The following ZNF469 variants were observed in gnomAD, a reference collection of about 807,000 sequenced individuals.
The protein encoded by ZNF469 is zinc finger protein 469.
A neutral mutation model predicts 1.0 loss-of-function variants in ZNF469; 1 was observed. That is an observed-to-expected ratio of 1.00 (90% confidence interval 0.35 to 4.73). ZNF469 has a LOEUF of 4.73. ZNF469 is among the 30% of genes most tolerant of loss of function. The probability of loss-of-function intolerance (pLI) is 0.16; values close to 1 mark genes in which losing one functional copy is unlikely to be tolerated. For synonymous variants in ZNF469, 2,703 were observed against 2,363.4 expected (o/e 1.14, Z -4.17); for missense variants, 6,100 against 5,356.3 (o/e 1.14, Z -4.33).
chr16:88,216,231 C>A, the ZNF469 span, among the ~76,000 whole-genome samples: 1 of 152,130 alleles, frequency 6.6e-6, no homozygotes, highest in African/African-American at 2.4e-5. Flanking sequence ...TGCAGTGGCT[C>A]ACGGCTGTAA....
At chr16:88,134,467 G>A in the ZNF469 span, among the ~76,000 whole-genome samples, 2,372 of 152,302 alleles carry the variant, frequency 0.016, 67 homozygotes, top group African/African-American at 0.054. Context: ...AGATCATTCC[G>A]TGTGGTTACT....
In ZNF469 at chr16:88,431,038, A is replaced by G. The variant is rs7197071; in HGVS notation, c.3568A>G (p.Lys1190Glu). The change falls in exon 3 of 3, where the codon AAG becomes GAG. Residue 1190 changes from lysine (K) to glutamate (E), a missense_variant. Transcript: ENST00000565624. ...TGAAAREGGP[K>E]CADRPSVAPK... Reference sequence around the variant, plus strand: ...AGCGGCCGCCAGGGAGGGAGGCCCCAAGTGTGCTGATCGCCCCTCAGTGGC... The same window carrying G: ...AGCGGCCGCCAGGGAGGGAGGCCCCGAGTGTGCTGATCGCCCCTCAGTGGC... The G allele has an allele frequency of 0.9, 1,391,134 of 1,547,218 alleles. 631,382 individuals are homozygous for G. Among genetic ancestry groups the G allele is most frequent in the East Asian group, 0.95 (38,597 of 40,830 alleles).
the ZNF469 span, among the ~76,000 whole-genome samples, chr16:88,295,016 G>C: frequency 5.6e-3 from 842 of 149,782 alleles, 4 homozygotes; most frequent in African/African-American, 0.02. Context: ...GCAGGGCTCA[G>C]GGTCTGGGGA....
chr16:88,344,388 C>G, the ZNF469 span, among the ~76,000 whole-genome samples: 1 of 152,234 alleles, frequency 6.6e-6, no homozygotes, highest in Non-Finnish European at 1.5e-5. Flanking sequence ...GAGGGGTGGA[C>G]ACAAACTCTC....
chr16:88,148,889 C>T, the ZNF469 span, among the ~76,000 whole-genome samples: 8 of 152,260 alleles, frequency 5.3e-5, no homozygotes, highest in African/African-American at 1.2e-4. Flanking sequence ...GTGTGGGACA[C>T]GCTGCAGGGT....
the ZNF469 span, among the ~76,000 whole-genome samples, chr16:88,107,347 A>T: frequency 6.6e-6 from 1 of 152,242 alleles, no homozygotes; most frequent in Non-Finnish European, 1.5e-5. Context: ...AGAAGCAAGA[A>T]CCTTCTTCAC....
chr16:88,405,735 A>G (rs1905010781), intron 1 of ZNF469, among the ~76,000 whole-genome samples: 1 of 152,102 alleles, frequency 6.6e-6, no homozygotes, highest in Non-Finnish European at 1.5e-5. Flanking sequence ...CGGCACTCCA[A>G]GCCGCCTCGG....
At chr16:88,151,115 G>A in the ZNF469 span, among the ~76,000 whole-genome samples, 1 of 152,226 alleles carries the variant, frequency 6.6e-6, no homozygotes, top group African/African-American at 2.4e-5. The surrounding 1 kb of genome is among the most constrained non-coding windows in gnomAD (Gnocchi z 5.4). Context: ...GGACCTCAGT[G>A]AGCTCCTCTG....
At chr16:88,204,530 T>C in the ZNF469 span, among the ~76,000 whole-genome samples, 61,510 of 152,034 alleles carry the variant, frequency 0.4, 12,686 homozygotes, top group Admixed American at 0.48. Flanking sequence ...GGGAGGCAGG[T>C]AGAGGAGAGA....
chr16:88,428,430 G>C lies in ZNF469; in HGVS notation c.960G>C (p.Thr320=), dbSNP rs752405331. The change falls in exon 3 of 3, where the codon ACG becomes ACC. Residue 320 remains threonine, a synonymous_variant. Transcript: ENST00000565624. ...CGTGGCCGGAGGAGGCCGTGGGCAC[G>C]GGCCCTGCCTACCCGCTGCCCACCC... ...QGAWPEEAVG[T]GPAYPLPTQP... The C allele has an allele frequency of 8.4e-6, 13 of 1,547,944 alleles. No homozygotes were observed. The Admixed American group carries it at 1.4e-4, about 16-fold the overall frequency.
the ZNF469 span, among the ~76,000 whole-genome samples, chr16:88,146,269 G>T: frequency 2.0e-4 from 31 of 152,212 alleles, no homozygotes; most frequent in African/African-American, 7.5e-4. Flanking sequence ...CGTGGCGGGG[G>T]GGCAGGGACC....
At chr16:88,228,754 T>C in the ZNF469 span, among the ~76,000 whole-genome samples, 3 of 152,234 alleles carry the variant, frequency 2.0e-5, no homozygotes, top group Non-Finnish European at 4.4e-5. Flanking sequence ...ATTGTTTCAA[T>C]AGTTGGGATT....
chr16:88,116,866 G>A, the ZNF469 span, among the ~76,000 whole-genome samples: 1 of 152,144 alleles, frequency 6.6e-6, no homozygotes, highest in African/African-American at 2.4e-5. Context: ...GGCAGCCTGT[G>A]ATGAGGGGAA....
chr16:88,205,237 G>A, the ZNF469 span, among the ~76,000 whole-genome samples: 1 of 152,160 alleles, frequency 6.6e-6, no homozygotes, highest in Non-Finnish European at 1.5e-5. This position sits in a 1 kb window ranked among gnomAD's most constrained non-coding sequence, Gnocchi z 4.2. Flanking sequence ...AATCCGCAAT[G>A]GAGATGTTTC....
the ZNF469 span, among the ~76,000 whole-genome samples, chr16:88,239,328 A>G: frequency 1.3e-5 from 2 of 152,174 alleles, no homozygotes; most frequent in Non-Finnish European, 2.9e-5. Flanking sequence ...TAAAAAGAAG[A>G]TGAAGAAGAT....
chr16:88,162,207 C>T, the ZNF469 span, among the ~76,000 whole-genome samples: 2 of 151,718 alleles, frequency 1.3e-5, no homozygotes, highest in East Asian at 3.9e-4. Flanking sequence ...CTCTTAGACT[C>T]GTAGGAAGGG....
At chr16:88,208,801 A>ACT in the ZNF469 span, among the ~76,000 whole-genome samples, 28 of 20,208 alleles carry the variant, frequency 1.4e-3, no homozygotes, top group African/African-American at 2.6e-3. Flanking sequence ...ACACACACAC[A>ACT]CACTCTCTCT....
chr16:88,375,019 G>A, the ZNF469 span, among the ~76,000 whole-genome samples: 13 of 152,248 alleles, frequency 8.5e-5, no homozygotes, highest in Non-Finnish European at 1.5e-4. Context: ...CCCAGGCACC[G>A]AAGCGCTGGG....
At chr16:88,400,747 GCAAA>G (rs1362147355) in intron 1 of ZNF469, among the ~76,000 whole-genome samples, 12 of 152,052 alleles carry the variant, frequency 7.9e-5, no homozygotes, top group African/African-American at 2.2e-4. Context: ...CTGTGGGTCC[GCAAA>G]CAGTCTATCT....
Sources: allele counts gnomAD v4.1 joint callset (sites outside exome capture counted in the v4.1 genomes callset), GRCh38; gene constraint gnomAD v4.1.1; non-coding constraint Gnocchi (gnomAD v3.1); transcripts MANE v1.5; gene names NCBI Gene and HGNC (gene_info 2026-07-23, HGNC 2026-07-21).